Variants in CAPS2 observed in about 807,000 individuals in gnomAD.
The protein encoded by CAPS2 is calcyphosine 2, also known as calcyphosin-2.
A neutral mutation model predicts 86.5 loss-of-function variants in CAPS2; 98 were observed. The observed-to-expected ratio is 1.13, with a 90% CI of 0.96 to 1.34. CAPS2 has a LOEUF of 1.34. Among genes scored for constraint, CAPS2 ranks in the 40% most tolerant of loss-of-function variants. The pLI is 0.00. For missense variants in CAPS2, 729 were observed against 686.8 expected, an observed-to-expected ratio of 1.06 and a Z score of -0.69; for synonymous variants, 210 against 225.1, an observed-to-expected ratio of 0.93 and a Z score of 0.60.
At chr12:75,309,431 T>C (rs1022580051) in intron 7 of CAPS2, among the ~76,000 whole-genome samples, 4 of 152,226 alleles carry the variant, frequency 2.6e-5, no homozygotes, top group Admixed American at 6.5e-5. Flanking sequence ...CTTAACCAGG[T>C]TGGGTTCCAT....
intron 15 of CAPS2, 133 bp from the exon 16 acceptor site, chr12:75,282,480 A>T (rs2034139597): frequency 3.2e-6 from 2 of 622,046 alleles, no homozygotes; most frequent in Non-Finnish European, 5.9e-6. Flanking sequence ...TCCGCCTCCC[A>T]GGTTCAAGTG....
At chr12:75,390,163 T>G (rs2045506336) in intron 1 of CAPS2, among the ~76,000 whole-genome samples, 1 of 152,234 alleles carries the variant, frequency 6.6e-6, no homozygotes, top group African/African-American at 2.4e-5. Flanking sequence ...ACTTGCTTTT[T>G]TTCCATGCTT....
chr12:75,390,274 C>T lies in CAPS2; in HGVS notation c.-395+564G>A, dbSNP rs1235872728. The T allele has an allele frequency of 1.1e-5, 5 of 455,862 alleles. No individual in the cohort carries two copies. The East Asian group carries it at 3.5e-4, about 32-fold the overall frequency. 28.2% of individuals were successfully genotyped at this position (455,862 alleles called of 1,614,324 possible). A position where few individuals can be genotyped will look rare whatever the true frequency, so the allele number is the denominator to read the frequency against. On this transcript the variant is annotated intron_variant, in intron 1 of 5. Transcript: ENST00000551829. ...CAGACCAAAATCAGCTAGATATTAG[C>T]CAATTTTGTCTGGAACAAAAAAAGA...
chr12:75,299,959 T>G, intron 8 of CAPS2, 48 bp from the exon 9 acceptor site: 1 of 726,262 alleles, frequency 1.4e-6, no homozygotes, highest in Non-Finnish European at 2.2e-6. Flanking sequence ...TACCTATAAC[T>G]TGATGGAAAT....
At chr12:75,362,432 G>A (rs1415247429) in intron 1 of CAPS2, among the ~76,000 whole-genome samples, 1 of 152,090 alleles carries the variant, frequency 6.6e-6, no homozygotes, top group Non-Finnish European at 1.5e-5. Context: ...ATGTATGAAT[G>A]CTTTCAACAT....
chr12:75,379,544 C>T (rs1333371004), intron 1 of CAPS2, among the ~76,000 whole-genome samples: 2 of 152,098 alleles, frequency 1.3e-5, no homozygotes, highest in Non-Finnish European at 2.9e-5. Context: ...TCCTATTTCA[C>T]TTAGTTTGGA....
intron 14 of CAPS2, among the ~76,000 whole-genome samples, chr12:75,287,891 G>A (rs1010569312): frequency 6.6e-6 from 1 of 152,072 alleles, no homozygotes; most frequent in African/African-American, 2.4e-5. Context: ...GTGTGTTGGG[G>A]GAAGGGGTTG....
At chr12:75,347,411 A>C (rs2042526321) in intron 1 of CAPS2, among the ~76,000 whole-genome samples, 1 of 152,096 alleles carries the variant, frequency 6.6e-6, no homozygotes, top group Admixed American at 6.5e-5. Flanking sequence ...AATTACCAGT[A>C]AGGAAAAACT....
rs1303974696 is a variant in CAPS2 at position 75,323,239 on chromosome 12, A to G, written c.132-17T>C. 5.2e-6 allele frequency: 8 copies of G among 1,536,758 alleles called. No individual in the cohort carries two copies. In the Admixed American group the frequency reaches 1.0e-4, roughly 19 times the overall value. ...CGTGGGACCCTGAAAGACATAATCT[A>G]TGTATCCCGTAACTTTTTAACATGA... On this transcript the variant is annotated splice_polypyrimidine_tract_variant and intron_variant, in intron 2 of 16. Coordinates refer to ENST00000393284, the Ensembl canonical transcript of CAPS2.
intron 1 of CAPS2, among the ~76,000 whole-genome samples, chr12:75,386,604 A>G (rs2045305341): frequency 6.6e-6 from 1 of 152,180 alleles, no homozygotes; most frequent in Non-Finnish European, 1.5e-5. Context: ...CCACCCCTCA[A>G]TGCTGTTGTA....
intron 1 of CAPS2, chr12:75,370,569 G>C (rs1454951488): frequency 6.4e-6 from 1 of 155,598 alleles, no homozygotes; most frequent in Non-Finnish European, 1.4e-5. Context: ...TGTTACTGAG[G>C]AAAGTTTTTT....
chr12:75,293,964 G>A (rs961763623), intron 11 of CAPS2, among the ~76,000 whole-genome samples: 5 of 151,934 alleles, frequency 3.3e-5, no homozygotes, highest in African/African-American at 9.7e-5. Context: ...ATGGAGTCTC[G>A]CACTGTCGCC....
At chr12:75,278,592 A>G (rs548348910) in exon 17 of CAPS2, 4 of 1,047,530 alleles carry the variant, frequency 3.8e-6, no homozygotes, top group South Asian at 4.6e-5. Flanking sequence ...ATAAAAAATG[A>G]CCTCTAAAAT....
chr12:75,306,547 G>C (rs546253858), intron 7 of CAPS2, among the ~76,000 whole-genome samples: 2 of 152,310 alleles, frequency 1.3e-5, no homozygotes, highest in African/African-American at 4.8e-5. Flanking sequence ...TAGGACATAC[G>C]CATGTTTGTT....
intron 1 of CAPS2, among the ~76,000 whole-genome samples, chr12:75,362,417 G>T (rs940742468): frequency 6.6e-6 from 1 of 152,116 alleles, no homozygotes; most frequent in African/African-American, 2.4e-5. Flanking sequence ...TCCCTATAAT[G>T]ATGTATGTAT....
At chr12:75,330,509 C>T (rs1365951278), upstream of CAPS2, among the ~76,000 whole-genome samples, 2 of 152,186 alleles carry the variant, frequency 1.3e-5, no homozygotes, top group Non-Finnish European at 1.5e-5. Context: ...CCCAGAATGA[C>T]GTTTTGAGGA....
chr12:75,330,383 T>G (rs978871954), upstream of CAPS2, among the ~76,000 whole-genome samples: 11 of 152,242 alleles, frequency 7.2e-5, no homozygotes, highest in Admixed American at 2.6e-4. Context: ...CCCGCGCTTC[T>G]CCTGAGCAGG....
At chr12:75,326,851 C>G (rs181416873), upstream of CAPS2, among the ~76,000 whole-genome samples, 342 of 152,154 alleles carry the variant, frequency 2.2e-3, no homozygotes, top group African/African-American at 7.8e-3. Context: ...TCAGTGTAAC[C>G]ACCAGAATCC....
At chr12:75,354,062 A>C (rs1228865045) in intron 1 of CAPS2, among the ~76,000 whole-genome samples, 1 of 151,070 alleles carries the variant, frequency 6.6e-6, no homozygotes, top group East Asian at 2.0e-4. Flanking sequence ...AGCTGGATGC[A>C]TTCCCCTTGA....
Sources: gnomAD v4.1 joint callset for allele counts (sites outside exome capture counted in the v4.1 genomes callset) on GRCh38, gnomAD v4.1.1 for gene constraint, MANE v1.5 for transcripts, NCBI Gene and HGNC (gene_info 2026-07-23, HGNC 2026-07-21) for gene names.